CLVS1: variants seen among roughly 807,000 people sequenced by gnomAD.
CLVS1 encodes the protein clavesin 1, also known as clavesin-1.
CLVS1 carries 10 observed loss-of-function variants against 33.1 expected under a neutral mutation model. That is an observed-to-expected ratio of 0.30 (90% CI 0.19 to 0.51). The LOEUF (loss-of-function observed/expected upper bound fraction) is 0.51, where lower values mean the gene tolerates loss of function less well. CLVS1 is among the 20% of genes least tolerant of loss of function. CLVS1 has a pLI of 0.97. For missense variants in CLVS1, 343 were observed against 433.4 expected, an observed-to-expected ratio of 0.79 and a Z score of 1.85; for synonymous variants, 163 against 166.1, an observed-to-expected ratio of 0.98 and a Z score of 0.14.
At chr8:61,423,458 T>A (rs908839948) in intron 3 of CLVS1, among the ~76,000 whole-genome samples, 1 of 152,218 alleles carries the variant, frequency 6.6e-6, no homozygotes, top group Admixed American at 6.5e-5. Flanking sequence ...AGAAATATTA[T>A]ATAGGGATTT....
intron 2 of CLVS1, among the ~76,000 whole-genome samples, chr8:61,212,680 A>G (rs758373801): frequency 4.6e-5 from 7 of 152,206 alleles, no homozygotes; most frequent in Non-Finnish European, 8.8e-5. Flanking sequence ...GAGAAAAGAC[A>G]GAGCTAAAAT....
Position 61,153,143 on chromosome 8 carries a change from A to C in CLVS1, c.-152+21283A>C, listed in dbSNP as rs146780493. On this transcript the variant is annotated intron_variant, in intron 2 of 2. Coordinates refer to the CLVS1 transcript ENST00000522621. Reference sequence around the variant, plus strand: ...AAAAATAAAAAGGAAAAAAAGAAGAAGACCAGGGATAAATAGTACTAACCA... The same window carrying C: ...AAAAATAAAAAGGAAAAAAAGAAGACGACCAGGGATAAATAGTACTAACCA... Among the ~76,000 whole-genome samples, 67 of 152,306 alleles carry C rather than the reference A, an allele frequency of 4.4e-4. No individual in the cohort carries two copies. In the East Asian group the frequency reaches 0.013, roughly 29 times the overall value.
chr8:61,171,941 T>C (rs956306087), intron 2 of CLVS1, among the ~76,000 whole-genome samples: 3 of 152,162 alleles, frequency 2.0e-5, no homozygotes, highest in African/African-American at 7.2e-5. Context: ...GATTCTGAGC[T>C]GGACTCAGGG....
intron 3 of CLVS1, among the ~76,000 whole-genome samples, chr8:61,410,642 T>C (rs1290873590): frequency 6.6e-6 from 1 of 152,186 alleles, no homozygotes; most frequent in Admixed American, 6.5e-5. Context: ...TTTTTCCTTT[T>C]TTATTTTTTA....
chr8:61,318,427 G>A (rs1325126330), intron 2 of CLVS1, among the ~76,000 whole-genome samples: 1 of 152,168 alleles, frequency 6.6e-6, no homozygotes, highest in Non-Finnish European at 1.5e-5. Context: ...AGCTGAACAA[G>A]GGAGAAGTTC....
chr8:61,173,695 A>C (rs1192158459), intron 2 of CLVS1, among the ~76,000 whole-genome samples: 1 of 152,204 alleles, frequency 6.6e-6, no homozygotes, highest in Non-Finnish European at 1.5e-5. Context: ...AGCTCAGGCT[A>C]TGTCAAATGA....
intron 3 of CLVS1, among the ~76,000 whole-genome samples, chr8:61,410,383 T>C (rs1202363626): frequency 6.6e-6 from 1 of 152,186 alleles, no homozygotes; most frequent in African/African-American, 2.4e-5. Flanking sequence ...AGAGATACCA[T>C]GCTGCTTTAA....
chr8:61,112,929 A>C (rs1805655665), intron 1 of CLVS1, among the ~76,000 whole-genome samples: 1 of 152,204 alleles, frequency 6.6e-6, no homozygotes, highest in Non-Finnish European at 1.5e-5. Context: ...CTCTGAACAC[A>C]TGTGGAAAGT....
At chr8:61,035,142 T>G in the CLVS1 span, among the ~76,000 whole-genome samples, 10 of 151,984 alleles carry the variant, frequency 6.6e-5, no homozygotes, top group Admixed American at 5.2e-4. Flanking sequence ...AAACTTGAGA[T>G]TGCTGCTCTT....
At chr8:61,184,005 C>T (rs879622208) in intron 2 of CLVS1, among the ~76,000 whole-genome samples, 2 of 152,104 alleles carry the variant, frequency 1.3e-5, no homozygotes, top group Admixed American at 1.3e-4. Flanking sequence ...AGGCAACTTC[C>T]AAGAAAATCA....
At chr8:61,460,016 T>C (rs1817317890) in intron 5 of CLVS1, among the ~76,000 whole-genome samples, 1 of 152,200 alleles carries the variant, frequency 6.6e-6, no homozygotes, top group Admixed American at 6.5e-5. Flanking sequence ...TATTGAATTA[T>C]GACCCACCCA....
chr8:61,248,575 T>C (rs1808866158), intron 2 of CLVS1, among the ~76,000 whole-genome samples: 1 of 152,126 alleles, frequency 6.6e-6, no homozygotes, highest in South Asian at 2.1e-4. Context: ...GCCTTTCTGA[T>C]TGGGCTGTCG....
chr8:61,315,478 AG>A (rs1225854836), intron 2 of CLVS1, among the ~76,000 whole-genome samples: 2 of 152,124 alleles, frequency 1.3e-5, no homozygotes, highest in Non-Finnish European at 2.9e-5. Context: ...GCTTATTTTC[AG>A]GGTGGTCATC....
At chr8:61,394,894 T>G (rs1039626750) in intron 3 of CLVS1, among the ~76,000 whole-genome samples, 3 of 152,210 alleles carry the variant, frequency 2.0e-5, no homozygotes, top group African/African-American at 7.2e-5. Context: ...TGAGGTAATA[T>G]CTCATTGTGG....
At chr8:61,491,641 A>G (rs948693578) in intron 5 of CLVS1, among the ~76,000 whole-genome samples, 1 of 152,222 alleles carries the variant, frequency 6.6e-6, no homozygotes, top group African/African-American at 2.4e-5. Context: ...GGAAACTAAT[A>G]TTAAAGAGCT....
intron 3 of CLVS1, among the ~76,000 whole-genome samples, chr8:61,429,419 TAAAAAAAAAA>T (rs57688988): frequency 2.7e-5 from 2 of 73,248 alleles, no homozygotes; most frequent in East Asian, 4.5e-4. Context: ...GACTCTGTCT[TAAAAAAAAAA>T]AAAAAAAAAA....
chr8:61,325,458 C>T (rs117987447), intron 2 of CLVS1, among the ~76,000 whole-genome samples: 59 of 152,252 alleles, frequency 3.9e-4, no homozygotes, highest in Non-Finnish European at 7.8e-4. Flanking sequence ...TATTTTGTTC[C>T]AAGCTATTAG....
In CLVS1 at chr8:61,192,495, A is replaced by G. The variant is rs114836229; in HGVS notation, c.-152+60635A>G. On this transcript the variant is annotated intron_variant, in intron 2 of 2. Coordinates refer to the CLVS1 transcript ENST00000522621. ...GATTTCAAGACTAAAACATAAAAGC[A>G]ATGGCAACAAAAGCTAATATTGTCA... Among the ~76,000 whole-genome samples, 8 of 151,632 alleles carry G rather than the reference A, an allele frequency of 5.3e-5. No individual in the cohort carries two copies. In the East Asian group the frequency reaches 1.5e-3, roughly 29 times the overall value.
At chr8:61,416,771 A>C (rs1391043129) in intron 3 of CLVS1, among the ~76,000 whole-genome samples, 1 of 152,206 alleles carries the variant, frequency 6.6e-6, no homozygotes, top group East Asian at 1.9e-4. Flanking sequence ...TCCTTGATGC[A>C]GTTGCCAGCT....
Sources: gnomAD v4.1 joint callset for allele counts (sites outside exome capture counted in the v4.1 genomes callset) on GRCh38, gnomAD v4.1.1 for gene constraint, MANE v1.5 for transcripts, NCBI Gene and HGNC (gene_info 2026-07-23, HGNC 2026-07-21) for gene names.